The following TCERG1L variants were observed in gnomAD, a reference collection of about 807,000 sequenced individuals.
The protein encoded by TCERG1L is transcription elongation regulator 1 like.
TCERG1L carries 37 observed loss-of-function variants against 56.3 expected under a neutral mutation model. That is an observed-to-expected ratio of 0.66 (90% CI 0.51 to 0.87). The LOEUF (loss-of-function observed/expected upper bound fraction) is 0.87. Among genes scored for constraint, TCERG1L ranks in the 40% least tolerant of loss-of-function variants. The probability of loss-of-function intolerance (pLI) is 0.00; values close to 1 mark genes in which losing one functional copy is unlikely to be tolerated. For synonymous variants in TCERG1L, 324 were observed against 326.3 expected (o/e 0.99, Z 0.08); for missense variants, 799 against 774.2 (o/e 1.03, Z -0.38).
chr10:131,205,474 C>G (rs1409176551), intron 4 of TCERG1L, among the ~76,000 whole-genome samples: 1 of 152,088 alleles, frequency 6.6e-6, no homozygotes, highest in Admixed American at 6.5e-5. Context: ...TGAATTATTC[C>G]CACAATGATT....
intron 7 of TCERG1L, among the ~76,000 whole-genome samples, chr10:131,138,560 AT>A (rs1348317530): frequency 2.0e-5 from 3 of 152,220 alleles, no homozygotes; most frequent in Non-Finnish European, 4.4e-5. Flanking sequence ...AGTAGGGCCA[AT>A]TCATCTGATA....
intron 4 of TCERG1L, among the ~76,000 whole-genome samples, chr10:131,248,214 TCTCA>T (rs1232826755): frequency 2.1e-5 from 3 of 141,622 alleles, no homozygotes; most frequent in Admixed American, 2.1e-4. Context: ...CACACAACTC[TCTCA>T]CACACAACTC....
chr10:131,309,853 A>AAAAAAAAAAAAAAAAG (rs1846863740), intron 1 of TCERG1L, among the ~76,000 whole-genome samples: 1 of 149,706 alleles, frequency 6.7e-6, no homozygotes, highest in East Asian at 2.0e-4. Context: ...AAAAAAAAAA[A>AAAAAAAAAAAAAAAAG]AAAAAACTAA....
intron 6 of TCERG1L, among the ~76,000 whole-genome samples, chr10:131,155,586 C>A (rs1041995615): frequency 1.3e-5 from 2 of 152,220 alleles, no homozygotes; most frequent in Non-Finnish European, 2.9e-5. Context: ...AGCAGTGTCC[C>A]AGCTTTCCTC....
chr10:131,173,584 T>A (rs1197413396), intron 4 of TCERG1L, among the ~76,000 whole-genome samples: 2 of 152,206 alleles, frequency 1.3e-5, no homozygotes, highest in African/African-American at 4.8e-5. Flanking sequence ...GCGTGCCATC[T>A]TCATGCTGAG....
At position 131,190,369 on chromosome 10, in the gene TCERG1L, C is replaced by T. The variant is rs150407490; in HGVS notation, c.857-23484G>A. Among the ~76,000 whole-genome samples, 17 of 152,306 alleles carry T rather than the reference C, an allele frequency of 1.1e-4. No homozygotes were observed. In the East Asian group the frequency reaches 3.3e-3, roughly 29 times the overall value. On this transcript the variant is annotated intron_variant, in intron 4 of 11. Transcript: ENST00000368642. ...ATTCAAAGAATTGGTACCAATCCTACTGAAACTGTTCCAAAAGATTAAGAA... is the reference window on the plus strand; with the variant it reads ...ATTCAAAGAATTGGTACCAATCCTATTGAAACTGTTCCAAAAGATTAAGAA...
intron 3 of TCERG1L, among the ~76,000 whole-genome samples, chr10:131,286,928 G>A (rs1448767404): frequency 6.6e-6 from 1 of 152,188 alleles, no homozygotes; most frequent in Non-Finnish European, 1.5e-5. Flanking sequence ...GAGACGTGTT[G>A]CGAATATCAG....
intron 8 of TCERG1L, among the ~76,000 whole-genome samples, chr10:131,129,104 G>A (rs536127420): frequency 3.3e-5 from 5 of 152,212 alleles, no homozygotes; most frequent in South Asian, 2.1e-4. Context: ...AAAATGAAGC[G>A]TGAAAGGGAA....
In TCERG1L at chr10:131,108,768, C is replaced by A. The variant is rs548959670; in HGVS notation, c.1396-4414G>T. Among the ~76,000 whole-genome samples the A allele has an allele frequency of 3.9e-5, 6 of 152,242 alleles. No individual in the cohort carries two copies. In the East Asian group the frequency reaches 1.2e-3, roughly 29 times the overall value. On this transcript the variant is annotated intron_variant, in intron 9 of 11. Coordinates refer to ENST00000368642, the MANE Select transcript of TCERG1L (RefSeq NM_174937.4). The stretch of plus-strand genomic sequence containing the variant: ...GAGGTGCCGGCAGGGGCTTTGCTCG[C>A]GTCTGGTGCTTGGGGTCCTCTTCCA...
intron 4 of TCERG1L, among the ~76,000 whole-genome samples, chr10:131,228,017 T>A (rs1407566383): frequency 6.8e-6 from 1 of 147,522 alleles, no homozygotes; most frequent in African/African-American, 2.5e-5. Flanking sequence ...TCTGTCCTCC[T>A]TGCCCAGCCC....
intron 4 of TCERG1L, among the ~76,000 whole-genome samples, chr10:131,189,647 C>A (rs1048916917): frequency 6.6e-6 from 1 of 152,012 alleles, no homozygotes; most frequent in Non-Finnish European, 1.5e-5. Context: ...AACAGGAGTG[C>A]AGGTATCTTT....
chr10:131,293,962 G>A (rs920319905), intron 3 of TCERG1L, among the ~76,000 whole-genome samples: 8 of 152,264 alleles, frequency 5.3e-5, no homozygotes, highest in Middle Eastern at 3.4e-3. Context: ...GTTCAGACGC[G>A]TGGTGGCTGT....
intron 3 of TCERG1L, among the ~76,000 whole-genome samples, chr10:131,270,774 T>C (rs1481115192): frequency 6.6e-6 from 1 of 152,214 alleles, no homozygotes; most frequent in Non-Finnish European, 1.5e-5. Flanking sequence ...TGTCCCTGTG[T>C]GTCGTGGGAG....
At chr10:131,115,641 T>C (rs772463180) in intron 9 of TCERG1L, among the ~76,000 whole-genome samples, 12 of 145,710 alleles carry the variant, frequency 8.2e-5, no homozygotes, top group Non-Finnish European at 1.4e-4. Flanking sequence ...AGGGCTGTGT[T>C]TCGCCTTTGA....
intron 4 of TCERG1L, among the ~76,000 whole-genome samples, chr10:131,195,395 C>A (rs1269966434): frequency 3.3e-5 from 5 of 152,204 alleles, no homozygotes; most frequent in Admixed American, 3.3e-4. Flanking sequence ...CCTGCAAAAC[C>A]AGAACACGAC....
At chr10:131,189,751 C>T in intron 4 of TCERG1L, among the ~76,000 whole-genome samples, 1 of 152,112 alleles carries the variant, frequency 6.6e-6, no homozygotes, top group East Asian at 1.9e-4. Flanking sequence ...TGAGAAATCT[C>T]CATGCTGATT....
intron 4 of TCERG1L, among the ~76,000 whole-genome samples, chr10:131,206,486 G>T (rs1845528876): frequency 6.6e-6 from 1 of 152,212 alleles, no homozygotes; most frequent in African/African-American, 2.4e-5. Context: ...CAGAATAGAG[G>T]GCGTTTTATC....
intron 4 of TCERG1L, among the ~76,000 whole-genome samples, chr10:131,238,868 C>T (rs965678564): frequency 2.6e-5 from 4 of 152,182 alleles, no homozygotes; most frequent in Admixed American, 2.6e-4. Flanking sequence ...GTACACCGTG[C>T]AGAGGGGGAT....
intron 3 of TCERG1L, among the ~76,000 whole-genome samples, chr10:131,299,026 T>G (rs1321737224): frequency 6.6e-6 from 1 of 152,244 alleles, no homozygotes; most frequent in Admixed American, 6.5e-5. Context: ...TTTATTAGAT[T>G]AAATTATTAG....
Sources: allele counts gnomAD v4.1 joint callset (sites outside exome capture counted in the v4.1 genomes callset), GRCh38; gene constraint gnomAD v4.1.1; transcripts MANE v1.5; gene names NCBI Gene and HGNC (gene_info 2026-07-23, HGNC 2026-07-21).